CDH18: variants seen among roughly 807,000 people sequenced by gnomAD.
CDH18 encodes the protein cadherin-18.
In CDH18, 31 loss-of-function variants were observed where a neutral mutation model predicts 67.9. The observed-to-expected ratio is 0.46, with a 90% confidence interval of 0.34 to 0.62. The LOEUF is 0.62. CDH18 is among the 20% of genes least tolerant of loss of function. The pLI is 0.01. For missense variants in CDH18, 890 were observed against 975.5 expected, an observed-to-expected ratio of 0.91 and a Z score of 1.17; for synonymous variants, 362 against 347.2, an observed-to-expected ratio of 1.04 and a Z score of -0.48.
chr5:19,884,820 A>T (rs1053291508), intron 2 of CDH18, among the ~76,000 whole-genome samples: 4 of 152,080 alleles, frequency 2.6e-5, no homozygotes, highest in Non-Finnish European at 5.9e-5. Flanking sequence ...TTTTTTAAAC[A>T]GTCACTCTTT....
At chr5:20,145,748 C>T (rs903247723) in intron 2 of CDH18, among the ~76,000 whole-genome samples, 2 of 152,126 alleles carry the variant, frequency 1.3e-5, no homozygotes, top group Non-Finnish European at 2.9e-5. Flanking sequence ...GTTGACCACT[C>T]ATTAATTTTT....
intron 2 of CDH18, among the ~76,000 whole-genome samples, chr5:19,956,245 T>A (rs747706596): frequency 6.6e-6 from 1 of 152,046 alleles, no homozygotes; most frequent in Non-Finnish European, 1.5e-5. Flanking sequence ...AAATTGAAAT[T>A]AACCTTGGTT....
At chr5:19,951,308 A>G (rs1474010044) in intron 2 of CDH18, among the ~76,000 whole-genome samples, 1 of 152,210 alleles carries the variant, frequency 6.6e-6, no homozygotes, top group African/African-American at 2.4e-5. Flanking sequence ...CTTCATTTTA[A>G]AAGTATATTT....
intron 1 of CDH18, among the ~76,000 whole-genome samples, chr5:20,456,014 C>A (rs951089638): frequency 6.6e-6 from 1 of 152,044 alleles, no homozygotes; most frequent in Non-Finnish European, 1.5e-5. Flanking sequence ...AAGCCAGAAG[C>A]TTTATTATAT....
At chr5:20,534,638 T>C (rs1756606068) in intron 1 of CDH18, among the ~76,000 whole-genome samples, 1 of 152,058 alleles carries the variant, frequency 6.6e-6, no homozygotes, top group Non-Finnish European at 1.5e-5. Flanking sequence ...ATCTATCCTT[T>C]ATTAAATTTG....
At chr5:20,546,841 CAATT>C (rs138452361) in intron 1 of CDH18, among the ~76,000 whole-genome samples, 2,609 of 151,856 alleles carry the variant, frequency 0.017, 35 homozygotes, top group African/African-American at 0.029. Context: ...ACTGAAAAAA[CAATT>C]TATTTGTTTT....
chr5:19,611,875 T>A (rs970070039), intron 6 of CDH18, among the ~76,000 whole-genome samples: 15 of 152,064 alleles, frequency 9.9e-5, no homozygotes, highest in Non-Finnish European at 1.9e-4. Flanking sequence ...AATTATGCTT[T>A]CTGTTTTCAA....
At chr5:20,282,075 CTT>C (rs1746322333) in intron 1 of CDH18, among the ~76,000 whole-genome samples, 2 of 152,264 alleles carry the variant, frequency 1.3e-5, no homozygotes, top group African/African-American at 4.8e-5. Context: ...TATCCTGAGA[CTT>C]TGCTGAAGTT....
chr5:19,610,802 G>C (rs918451095), intron 6 of CDH18, among the ~76,000 whole-genome samples: 2 of 151,946 alleles, frequency 1.3e-5, no homozygotes, highest in Non-Finnish European at 2.9e-5. Context: ...TGATAACATT[G>C]ATACAAAAGT....
intron 2 of CDH18, among the ~76,000 whole-genome samples, chr5:20,202,500 G>GT (rs1162763079): frequency 6.6e-6 from 1 of 151,782 alleles, no homozygotes; most frequent in Non-Finnish European, 1.5e-5. Context: ...TTAAAAATCA[G>GT]TTTTTTGATA....
At chr5:20,055,493 T>C (rs1263680684) in intron 2 of CDH18, among the ~76,000 whole-genome samples, 2 of 152,246 alleles carry the variant, frequency 1.3e-5, no homozygotes, top group Non-Finnish European at 2.9e-5. Context: ...GCAAAGATGC[T>C]TGGAAACTTT....
intron 2 of CDH18, among the ~76,000 whole-genome samples, chr5:20,029,630 G>A (rs986555522): frequency 2.6e-5 from 4 of 152,264 alleles, no homozygotes; most frequent in Admixed American, 6.5e-5. Context: ...ATGATTAATC[G>A]CTAATTTTTA....
intron 2 of CDH18, among the ~76,000 whole-genome samples, chr5:20,058,447 T>C (rs1018969955): frequency 1.3e-5 from 2 of 152,246 alleles, no homozygotes; most frequent in South Asian, 4.1e-4. Context: ...AAGGGACTCA[T>C]AATGAAGGGA....
intron 5 of CDH18, among the ~76,000 whole-genome samples, chr5:19,707,815 A>T (rs1395718437): frequency 2.0e-5 from 3 of 152,202 alleles, no homozygotes; most frequent in Admixed American, 6.5e-5. Context: ...CTTGTTTGGG[A>T]AGATTGCATT....
chr5:20,560,331 T>C (rs1296423530), intron 1 of CDH18, among the ~76,000 whole-genome samples: 1 of 152,060 alleles, frequency 6.6e-6, no homozygotes, highest in Non-Finnish European at 1.5e-5. Context: ...ATTACACTTT[T>C]AATGATTTAA....
intron 5 of CDH18, among the ~76,000 whole-genome samples, chr5:19,715,543 T>C (rs1052003079): frequency 6.6e-6 from 1 of 152,136 alleles, no homozygotes; most frequent in Non-Finnish European, 1.5e-5. Context: ...ATTGTCTAAC[T>C]TTTATCTCCT....
intron 1 of CDH18, among the ~76,000 whole-genome samples, chr5:20,544,310 T>TA (rs1757218167): frequency 6.6e-6 from 1 of 152,044 alleles, no homozygotes; most frequent in African/African-American, 2.4e-5. Flanking sequence ...GCCATGAGTT[T>TA]AAAAAAAGCA....
intron 1 of CDH18, among the ~76,000 whole-genome samples, chr5:20,517,335 A>T (rs1371357576): frequency 6.6e-6 from 1 of 151,680 alleles, no homozygotes; most frequent in Non-Finnish European, 1.5e-5. Context: ...TGATAAAGTA[A>T]ATGAATAAAC....
At position 19,571,948 on chromosome 5, in the gene CDH18, G is replaced by A. The variant is rs572799678; in HGVS notation, c.1000-116C>T. The A allele has an allele frequency of 4.9e-5, 38 of 782,444 alleles. No individual in the cohort carries two copies. In the East Asian group the frequency reaches 1.0e-3, roughly 21 times the overall value. 48.5% of individuals were successfully genotyped at this position (782,444 alleles called of 1,614,324 possible). ...TTTAGAATAAAATAATTGAGAGAGA[G>A]ATAAGTCATTCTAGCTTTGTTCTAA... is the stretch of plus-strand genomic sequence containing the variant. On this transcript the variant is annotated intron_variant, in intron 7 of 12. Coordinates refer to ENST00000382275, the MANE Select transcript of CDH18 (RefSeq NM_004934.5).
Sources: gnomAD v4.1 joint callset for allele counts (sites outside exome capture counted in the v4.1 genomes callset) on GRCh38, gnomAD v4.1.1 for gene constraint, MANE v1.5 for transcripts, NCBI Gene and HGNC (gene_info 2026-07-23, HGNC 2026-07-21) for gene names.